AP3S1: variants seen among roughly 807,000 people sequenced by gnomAD.
The protein encoded by AP3S1 is adaptor related protein complex 3 subunit sigma 1, also known as AP-3 complex subunit sigma-1.
AP3S1 carries 12 observed loss-of-function variants against 21.3 expected under a neutral mutation model. That is an observed-to-expected ratio of 0.56 (90% CI 0.36 to 0.91). The LOEUF is 0.91. Among genes scored for constraint, AP3S1 ranks in the 40% least tolerant of loss-of-function variants. The probability of loss-of-function intolerance (pLI) is 0.01; values close to 1 mark genes in which losing one functional copy is unlikely to be tolerated. For synonymous variants in AP3S1, 48 were observed against 78.4 expected (o/e 0.61, Z 2.05); for missense variants, 116 against 225.0 (o/e 0.52, Z 3.10).
At chr5:115,904,952 AT>A (rs1282203643) in intron 5 of AP3S1, among the ~76,000 whole-genome samples, 4 of 152,128 alleles carry the variant, frequency 2.6e-5, no homozygotes, top group Admixed American at 6.5e-5. Flanking sequence ...GTTGTCTGGA[AT>A]TTTCACCTTT....
intron 3 of AP3S1, among the ~76,000 whole-genome samples, chr5:115,873,313 T>C (rs1044565916): frequency 1.3e-5 from 2 of 152,174 alleles, no homozygotes; most frequent in Non-Finnish European, 2.9e-5. Flanking sequence ...CTTTTGTGTT[T>C]TGCAAAATTT....
At chr5:115,853,675 A>C (rs183164095) in intron 1 of AP3S1, among the ~76,000 whole-genome samples, 1 of 152,018 alleles carries the variant, frequency 6.6e-6, no homozygotes, top group Non-Finnish European at 1.5e-5. Flanking sequence ...ATTCTTTTAC[A>C]TGTGGATATT....
chr5:115,881,670 A>T (rs1462993257), intron 3 of AP3S1, among the ~76,000 whole-genome samples: 2 of 151,932 alleles, frequency 1.3e-5, no homozygotes, highest in African/African-American at 4.8e-5. Flanking sequence ...GAATCTGACG[A>T]TTATGTGTCT....
At chr5:115,842,948 T>C (rs1356005937) in intron 1 of AP3S1, among the ~76,000 whole-genome samples, 1 of 151,046 alleles carries the variant, frequency 6.6e-6, no homozygotes, top group African/African-American at 2.5e-5. Context: ...TTATAGTTTT[T>C]TTCTATTTAT....
At chr5:115,913,311 C>G in intron 5 of AP3S1, 51 bp from the exon 6 acceptor site, 1 of 1,127,888 alleles carries the variant, frequency 8.9e-7, no homozygotes, top group African/African-American at 1.9e-5. Flanking sequence ...TTATGATGAG[C>G]TACACCTGAG....
intron 3 of AP3S1, among the ~76,000 whole-genome samples, chr5:115,888,080 T>C (rs1413394602): frequency 6.6e-6 from 1 of 152,118 alleles, no homozygotes; most frequent in Non-Finnish European, 1.5e-5. Flanking sequence ...CACCAGCTTT[T>C]GAATTCCTTG....
Position 115,859,851 on chromosome 5 carries a change from G to A in AP3S1, c.70-6819G>A, listed in dbSNP as rs193090405. On this transcript the variant is annotated intron_variant, in intron 1 of 5. Coordinates refer to ENST00000316788, the MANE Select transcript of AP3S1 (RefSeq NM_001284.4). ...CTCTAGGTATTCTGAGAACTGATTA[G>A]ACAGGATCTGGTGGTATCTGTACAT... Among the ~76,000 whole-genome samples, 384 of 152,338 alleles carry A rather than the reference G, an allele frequency of 2.5e-3. 3 individuals are homozygous for A. The highest frequency in any genetic ancestry group is 8.7e-3 in the African/African-American group (362 of 41,572).
intron 1 of AP3S1, among the ~76,000 whole-genome samples, chr5:115,861,183 C>T (rs1478881591): frequency 1.3e-5 from 2 of 152,146 alleles, no homozygotes; most frequent in African/African-American, 4.8e-5. Context: ...TCAGGAAAGA[C>T]TTCATAGAAG....
At chr5:115,881,931 A>G (rs943982767) in intron 3 of AP3S1, among the ~76,000 whole-genome samples, 1 of 151,514 alleles carries the variant, frequency 6.6e-6, no homozygotes. Context: ...CTTGTCTCCA[A>G]GCTTTATTTC....
intron 5 of AP3S1, 156 bp downstream of exon 5, chr5:115,903,148 C>CTAAA: frequency 1.9e-6 from 1 of 533,988 alleles, no homozygotes; most frequent in East Asian, 3.7e-5. Flanking sequence ...ACGTAGTATG[C>CTAAA]TAAAGGTTCT....
At chr5:115,901,514 G>GTCCA (rs1242398259) in intron 4 of AP3S1, among the ~76,000 whole-genome samples, 1 of 148,172 alleles carries the variant, frequency 6.7e-6, no homozygotes, top group Non-Finnish European at 1.5e-5. Flanking sequence ...TGCATGAGGT[G>GTCCA]TCCATGCTTC....
chr5:115,899,490 G>A (rs552862982), intron 4 of AP3S1, among the ~76,000 whole-genome samples: 2 of 152,132 alleles, frequency 1.3e-5, no homozygotes, highest in Non-Finnish European at 2.9e-5. Context: ...GTCTTGCTGT[G>A]TTGCCCAGGC....
intron 1 of AP3S1, among the ~76,000 whole-genome samples, chr5:115,863,437 G>A (rs1036053334): frequency 6.6e-6 from 1 of 151,884 alleles, no homozygotes; most frequent in African/African-American, 2.4e-5. Context: ...GCTGGGCATG[G>A]TGGCGGGAAC....
chr5:115,881,257 A>G (rs1338321556), intron 3 of AP3S1, among the ~76,000 whole-genome samples: 1 of 151,952 alleles, frequency 6.6e-6, no homozygotes, highest in Non-Finnish European at 1.5e-5. Context: ...CTAGCTGGTT[A>G]TTTTGCCTGT....
intron 3 of AP3S1, among the ~76,000 whole-genome samples, chr5:115,886,166 A>G (rs545072018): frequency 2.6e-5 from 4 of 152,290 alleles, no homozygotes; most frequent in South Asian, 2.1e-4. Flanking sequence ...GCCTTATGGG[A>G]TTACTGCAAA....
intron 3 of AP3S1, among the ~76,000 whole-genome samples, chr5:115,883,721 C>G (rs546188988): frequency 1.3e-5 from 2 of 152,170 alleles, no homozygotes; most frequent in Admixed American, 6.5e-5. Context: ...ATCAATCATA[C>G]CATATTCAAC....
chr5:115,864,942 C>A (rs533211476), intron 1 of AP3S1, among the ~76,000 whole-genome samples: 1 of 152,140 alleles, frequency 6.6e-6, no homozygotes, highest in Non-Finnish European at 1.5e-5. Context: ...ATGACATGGA[C>A]CCTTCTGTAA....
rs187040557 is a variant in AP3S1, at chr5:115,896,946, T to A, written c.345+1788T>A. On this transcript the variant is annotated intron_variant, in intron 4 of 5. Coordinates refer to ENST00000316788, the MANE Select transcript of AP3S1 (RefSeq NM_001284.4). ...TGTGATGGTAAGAGTAAGGTTCTTATATTTTTTTTACTAGAGAAAGAGAAT... is the reference window on the plus strand; with the variant it reads ...TGTGATGGTAAGAGTAAGGTTCTTAAATTTTTTTTACTAGAGAAAGAGAAT... 3.1e-3 allele frequency among the ~76,000 whole-genome samples: 469 copies of A among 152,270 alleles called. 1 individual carries two copies. Among genetic ancestry groups the A allele is most frequent in the African/African-American group, 0.01 (434 of 41,538 alleles).
chr5:115,862,710 G>A (rs1485594644), intron 1 of AP3S1, among the ~76,000 whole-genome samples: 1 of 152,150 alleles, frequency 6.6e-6, no homozygotes, highest in East Asian at 1.9e-4. Context: ...CTAGTAAATT[G>A]CACATCACAG....
Sources: gnomAD v4.1 joint callset for allele counts (sites outside exome capture counted in the v4.1 genomes callset) on GRCh38, gnomAD v4.1.1 for gene constraint, MANE v1.5 for transcripts, NCBI Gene and HGNC (gene_info 2026-07-23, HGNC 2026-07-21) for gene names.